Variants in IL1RAPL1 observed in about 807,000 individuals in gnomAD.
IL1RAPL1 encodes the protein interleukin 1 receptor accessory protein like 1.
A neutral mutation model predicts 48.4 loss-of-function variants in IL1RAPL1; 3 were observed. The ratio of observed to expected loss-of-function variants is 0.06; its 90% CI spans 0.03 to 0.16. The LOEUF (loss-of-function observed/expected upper bound fraction) is 0.16, where lower values mean the gene tolerates loss of function less well. Ranked by LOEUF, IL1RAPL1 falls within the 10% of genes least tolerant of loss-of-function variation. The pLI is 1.00. For missense variants in IL1RAPL1, 349 were observed against 530.6 expected (o/e 0.66, Z 3.36); for synonymous variants, 185 against 187.7 (o/e 0.99, Z 0.12).
At chrX:29,084,422 C>T (rs1445676739) in intron 2 of IL1RAPL1, among the ~76,000 whole-genome samples, 2 of 111,296 alleles carry the variant, frequency 1.8e-5, no homozygotes, top group Non-Finnish European at 1.9e-5. Flanking sequence ...AATAACTGGA[C>T]TGTGGTCCCT....
intron 2 of IL1RAPL1, among the ~76,000 whole-genome samples, chrX:29,051,338 A>G (rs1348163500): frequency 8.9e-6 from 1 of 112,094 alleles, no homozygotes; most frequent in Non-Finnish European, 1.9e-5. Context: ...CCAATCCCAC[A>G]CAGGTTGAGT....
intron 5 of IL1RAPL1, among the ~76,000 whole-genome samples, chrX:29,522,664 A>G (rs137915920): frequency 0.013 from 1,445 of 112,361 alleles, 31 homozygotes; most frequent in African/African-American, 0.044. Flanking sequence ...GTTAATTTCC[A>G]ATTAAACAGT....
intron 6 of IL1RAPL1, among the ~76,000 whole-genome samples, chrX:29,887,918 G>C (rs886772405): frequency 6.3e-5 from 7 of 111,097 alleles, no homozygotes; most frequent in Non-Finnish European, 9.4e-5. Flanking sequence ...GACTGATGGA[G>C]CTCTATATAC....
intron 2 of IL1RAPL1, among the ~76,000 whole-genome samples, chrX:29,011,349 A>G (rs2147395300): frequency 8.9e-6 from 1 of 112,609 alleles, no homozygotes; most frequent in Admixed American, 9.4e-5. Flanking sequence ...CTTTGTTCTT[A>G]ATAGATAAAA....
chrX:29,289,177 T>G (rs973626833), intron 3 of IL1RAPL1, among the ~76,000 whole-genome samples: 1 of 112,269 alleles, frequency 8.9e-6, no homozygotes, highest in Non-Finnish European at 1.9e-5. Context: ...TAGATCCCAT[T>G]TGTCAATTTT....
At chrX:28,933,257 A>C (rs761026045) in intron 2 of IL1RAPL1, among the ~76,000 whole-genome samples, 1 of 111,110 alleles carries the variant, frequency 9.0e-6, no homozygotes, top group South Asian at 3.8e-4. Flanking sequence ...CCGTGGGTAG[A>C]CCTTGGAGGA....
intron 5 of IL1RAPL1, among the ~76,000 whole-genome samples, chrX:29,441,003 G>A (rs1466260271): frequency 9.0e-6 from 1 of 111,445 alleles, no homozygotes; most frequent in Non-Finnish European, 1.9e-5. Flanking sequence ...TCTGTGTCAT[G>A]ATCCTCCTTT....
rs1014027814 is a variant in IL1RAPL1 at position 28,962,747 on chromosome X, A to G, written c.82+173322A>G. On this transcript the variant is annotated intron_variant, in intron 2 of 10. Coordinates refer to ENST00000378993, the MANE Select transcript of IL1RAPL1 (RefSeq NM_014271.4). ...AGATGATTTAAAAGTATATGGGAATATGTGCATAGATTATATACAAATACT... is the reference window on the plus strand; with the variant it reads ...AGATGATTTAAAAGTATATGGGAATGTGTGCATAGATTATATACAAATACT... 7.2e-5 allele frequency among the ~76,000 whole-genome samples: 8 copies of G among 111,033 alleles called. No homozygotes were observed. The East Asian group carries it at 2.3e-3, about 31-fold the overall frequency.
At chrX:29,463,556 G>A (rs1165554800) in intron 5 of IL1RAPL1, among the ~76,000 whole-genome samples, 1 of 111,249 alleles carries the variant, frequency 9.0e-6, no homozygotes, top group East Asian at 2.8e-4. Flanking sequence ...CTTACTTGGG[G>A]TTTAAAAGAT....
chrX:29,920,820 AAAAGAAAAG>A (rs1932841367), intron 8 of IL1RAPL1, among the ~76,000 whole-genome samples: 5 of 95,967 alleles, frequency 5.2e-5, no homozygotes, highest in African/African-American at 1.2e-4. Context: ...AAAAAAAAAG[AAAAGAAAAG>A]AAAGAAAAGA....
At chrX:29,297,300 T>TA (rs1265178260) in intron 3 of IL1RAPL1, among the ~76,000 whole-genome samples, 1 of 112,596 alleles carries the variant, frequency 8.9e-6, no homozygotes, top group Non-Finnish European at 1.9e-5. Flanking sequence ...GTAAAGTAGT[T>TA]ATAAGGTAGG....
intron 5 of IL1RAPL1, among the ~76,000 whole-genome samples, chrX:29,551,425 A>G (rs1197363291): frequency 8.9e-6 from 1 of 112,223 alleles, no homozygotes; most frequent in East Asian, 2.8e-4. Context: ...TTAGGATACT[A>G]ACTATTACAT....
At chrX:28,627,571 C>A (rs974455677) in intron 1 of IL1RAPL1, among the ~76,000 whole-genome samples, 2 of 112,119 alleles carry the variant, frequency 1.8e-5, no homozygotes, top group African/African-American at 6.5e-5. Flanking sequence ...TCACTCTGTG[C>A]TTTTTACACT....
intron 2 of IL1RAPL1, among the ~76,000 whole-genome samples, chrX:29,010,986 C>T (rs1298783093): frequency 8.9e-6 from 1 of 111,821 alleles, no homozygotes; most frequent in Non-Finnish European, 1.9e-5. Context: ...TTTATATTTT[C>T]CTTCATTATA....
chrX:29,741,842 C>G (rs1311781608), intron 6 of IL1RAPL1, among the ~76,000 whole-genome samples: 1 of 102,354 alleles, frequency 9.8e-6, no homozygotes, highest in Non-Finnish European at 2.0e-5. Flanking sequence ...GGAGAATCGC[C>G]TGAACCTGGG....
At chrX:28,953,224 T>G (rs762071369) in intron 2 of IL1RAPL1, among the ~76,000 whole-genome samples, 1 of 111,496 alleles carries the variant, frequency 9.0e-6, no homozygotes, top group East Asian at 2.8e-4. Context: ...TGTGCAAAAT[T>G]TCAGCTATAG....
intron 6 of IL1RAPL1, among the ~76,000 whole-genome samples, chrX:29,755,238 T>C (rs1928582756): frequency 1.8e-5 from 2 of 112,255 alleles, no homozygotes; most frequent in African/African-American, 6.5e-5. Context: ...CCATCATCTT[T>C]GACATTTTCT....
intron 2 of IL1RAPL1, among the ~76,000 whole-genome samples, chrX:28,908,927 TG>T (rs1023322687): frequency 3.6e-5 from 4 of 112,130 alleles, no homozygotes; most frequent in Non-Finnish European, 3.8e-5. Context: ...TACCCTTTTT[TG>T]TTATGTAGCG....
chrX:29,474,632 G>T (rs1336173585), intron 5 of IL1RAPL1, among the ~76,000 whole-genome samples: 1 of 111,822 alleles, frequency 8.9e-6, no homozygotes, highest in Non-Finnish European at 1.9e-5. Flanking sequence ...TTATCGCATG[G>T]TCAGAGAGGG....
Sources: allele counts gnomAD v4.1 joint callset (sites outside exome capture counted in the v4.1 genomes callset), GRCh38; gene constraint gnomAD v4.1.1; transcripts MANE v1.5; gene names NCBI Gene and HGNC (gene_info 2026-07-23, HGNC 2026-07-21).